DNAH2: variants seen among roughly 807,000 people sequenced by gnomAD.
The protein encoded by DNAH2 is dynein axonemal heavy chain 2, also known as axonemal beta dynein heavy chain 2.
DNAH2 carries 323 observed loss-of-function variants against 523.5 expected under a neutral mutation model. The ratio of observed to expected loss-of-function variants is 0.62; its 90% CI spans 0.56 to 0.68. DNAH2 has a LOEUF of 0.68. DNAH2 is among the 30% of genes least tolerant of loss of function. The pLI is 0.00. For synonymous variants in DNAH2, 2,093 were observed against 2,177.4 expected (o/e 0.96, Z 1.08); for missense variants, 4,907 against 5,701.5 (o/e 0.86, Z 4.49).
chr17:7,744,256 T>C (rs1490948472), intron 12 of DNAH2, among the ~76,000 whole-genome samples: 2 of 141,772 alleles, frequency 1.4e-5, no homozygotes, highest in African/African-American at 2.7e-5. Flanking sequence ...ATCACGCCAT[T>C]GCACTCCAGC....
intron 4 of DNAH2, 121 bp from the exon 5 acceptor site, chr17:7,732,966 T>G: frequency 1.1e-6 from 1 of 918,760 alleles, no homozygotes; most frequent in South Asian, 1.7e-5. Flanking sequence ...TCATGGCACT[T>G]CCATTTAGAG....
At position 7,733,197 on chromosome 17, in the gene DNAH2, C is replaced by G. The variant is rs761232886; in HGVS notation, c.510C>G (p.Ala170=). The change falls in exon 5 of 86, where the codon GCC becomes GCG. Residue 170 remains alanine (A), a synonymous_variant. Transcript: ENST00000572933. ...FGTVRGPYIP[A]LLRLLGGVFA... ...CGGTGCGGGGCCCCTATATCCCGGC[C>G]CTGCTTCGGCTGCTCGGTGGAGTCT... is the stretch of plus-strand genomic sequence containing the variant. The G allele has an allele frequency of 4.3e-6, 7 of 1,614,204 alleles. No individual in the cohort carries two copies. The South Asian group carries it at 7.7e-5, about 18-fold the overall frequency.
intron 12 of DNAH2, among the ~76,000 whole-genome samples, chr17:7,748,325 G>A (rs1567635440): frequency 6.6e-6 from 1 of 152,160 alleles, no homozygotes; most frequent in Non-Finnish European, 1.5e-5. Flanking sequence ...TGTTCCCAGA[G>A]CTTCTCTCTC....
Position 7,831,704 on chromosome 17 carries a change from G to A in DNAH2, c.12655G>A (p.Val4219Ile), listed in dbSNP as rs748266466. 1.9e-5 allele frequency: 30 copies of A among 1,614,026 alleles called. No individual in the cohort carries two copies. The highest frequency in any genetic ancestry group is 1.1e-4 in the East Asian group (5 of 44,902). ...DLEKGIQGLI[V>I]MSTSLEEIFN... ...AGAGAAAGGCATCCAGGGTCTCATC[G>A]TCATGTCTACAAGCCTGGAAGAGAT... The change falls in exon 82 of 86, where the codon GTC becomes ATC. Residue 4219 changes from valine (V) to isoleucine (I), a missense_variant. Coordinates refer to ENST00000572933, the MANE Select transcript of DNAH2 (RefSeq NM_020877.5). This position sits in a 1 kb window ranked among gnomAD's most constrained non-coding sequence, Gnocchi z 4.2.
chr17:7,790,782 C>G (rs1285201257), intron 44 of DNAH2, among the ~76,000 whole-genome samples: 2 of 151,766 alleles, frequency 1.3e-5, no homozygotes, highest in Non-Finnish European at 2.9e-5. Flanking sequence ...TCAGGGCTCA[C>G]TGCAGCCTCA....
chr17:7,759,399 T>G (rs768160693), intron 15 of DNAH2, 23 bp from the exon 16 acceptor site: 2 of 1,587,262 alleles, frequency 1.3e-6, no homozygotes, highest in Non-Finnish European at 1.7e-6. Flanking sequence ...AAAGTTCTCT[T>G]TTTCCTCCCT....
chr17:7,744,891 G>A (rs1280522382), intron 12 of DNAH2, among the ~76,000 whole-genome samples: 1 of 152,146 alleles, frequency 6.6e-6, no homozygotes, highest in Non-Finnish European at 1.5e-5. Context: ...TGGTGTTTAT[G>A]GATATGAGGG....
chr17:7,720,715 C>T (rs143846428), intron 2 of DNAH2, among the ~76,000 whole-genome samples: 19 of 152,222 alleles, frequency 1.2e-4, no homozygotes, highest in East Asian at 1.9e-4. Context: ...AGAGGTTAAG[C>T]GTGGGCATGG....
Position 7,833,551 on chromosome 17 carries a change from C to T in DNAH2, c.*18C>T, listed in dbSNP as rs369391736. On this transcript the variant is annotated 3_prime_UTR_variant, in exon 86 of 86. Coordinates refer to ENST00000572933, the MANE Select transcript of DNAH2 (RefSeq NM_020877.5). Reference sequence around the variant, plus strand: ...ACAGCTGAGACCTCCTCCTCTTCTCCGCTTGAGAGAGAGGGTCAGGGACTC... The same window carrying T: ...ACAGCTGAGACCTCCTCCTCTTCTCTGCTTGAGAGAGAGGGTCAGGGACTC... 6.2e-6 allele frequency: 10 copies of T among 1,611,924 alleles called. No homozygotes were observed. Among genetic ancestry groups the T allele is most frequent in the Middle Eastern group, 1.6e-4 (1 of 6,084 alleles).
At chr17:7,721,461 A>G (rs1036825587) in intron 2 of DNAH2, among the ~76,000 whole-genome samples, 2 of 152,094 alleles carry the variant, frequency 1.3e-5, no homozygotes, top group African/African-American at 4.8e-5. Flanking sequence ...GGCGTGAGCC[A>G]CCGCACCCAG....
At chr17:7,817,882 C>G (rs778080208) in intron 67 of DNAH2, 26 bp downstream of exon 67, 1 of 1,185,482 alleles carries the variant, frequency 8.4e-7, no homozygotes, top group Non-Finnish European at 1.1e-6. Flanking sequence ...GTCAGGTTAG[C>G]CCCCCCCTTC....
rs1357763327 is a variant in DNAH2 at position 7,786,170 on chromosome 17, G to T, written c.6176G>T (p.Ser2059Ile). Reference sequence around the variant, plus strand: ...GAGATTCGAGACATGGGCCTGCAAAGCACGCCGTTCACCCTCACCAAGGTT... The same window carrying T: ...GAGATTCGAGACATGGGCCTGCAAATCACGCCGTTCACCCTCACCAAGGTT... The part of the protein sequence containing the change: ...EQEIRDMGLQ[S>I]TPFTLTKVFQ... Residue 2059 changes from serine (S) to isoleucine (I), a missense_variant, in exon 40 of 86, where the codon AGC becomes ATC. Physicochemically the swap from Ser to Ile is moderately radical, Grantham distance 142. This residue lies in a region of DNAH2 where 2,806 missense variants were observed against 3,190.8 expected (regional missense o/e 0.88). Transcript: ENST00000572933. The surrounding 1 kb of genome is among the most constrained non-coding windows in gnomAD (Gnocchi z 7.5). 1.2e-6 allele frequency: 2 copies of T among 1,613,986 alleles called. No homozygotes were observed. The highest frequency in any genetic ancestry group is 1.7e-6 in the Non-Finnish European group (2 of 1,180,010).
Position 7,740,541 on chromosome 17 carries a change from T to A in DNAH2, c.1498T>A (p.Ser500Thr). ...GCTGGACACCTTCCACAGGCTTGCC[T>A]CCCGCGAGGTGCGGCTGCCCCGCGG... ...LLLDTFHRLA[S>T]REAIKRTYDK... The change falls in exon 10 of 86, where the codon TCC becomes ACC. Residue 500 changes from serine to threonine, a missense_variant. Ser to Thr is a moderately conservative substitution (Grantham distance 58). Coordinates refer to ENST00000572933, the MANE Select transcript of DNAH2 (RefSeq NM_020877.5). 6.2e-7 allele frequency: 1 copy of A among 1,613,530 alleles called. No individual in the cohort carries two copies. Among genetic ancestry groups the A allele is most frequent in the Non-Finnish European group, 8.5e-7 (1 of 1,179,942 alleles).
In DNAH2 at chr17:7,819,260, G is replaced by C. The variant is rs1206793989; in HGVS notation, c.10867G>C (p.Asp3623His). 6.2e-7 allele frequency: 1 copy of C among 1,614,152 alleles called. No individual in the cohort carries two copies. The highest frequency in any genetic ancestry group is 2.2e-5 in the East Asian group (1 of 44,888). ...ATCAATCCTGTTCTTCGTGCTCAATGATATGGGCTGCATCGACCCCATGTA... is the reference window on the plus strand; with the variant it reads ...ATCAATCCTGTTCTTCGTGCTCAATCATATGGGCTGCATCGACCCCATGTA... Reference protein sequence around the residue: ...RASILFFVLNDMGCIDPMYQF... With the variant: ...RASILFFVLNHMGCIDPMYQF... The change falls in exon 72 of 86, where the codon GAT (aspartate) becomes CAT (histidine). Residue 3623 changes from aspartate (D) to histidine (H), a missense_variant. Transcript: ENST00000572933.
chr17:7,720,540 G>C (rs1172335325), intron 2 of DNAH2, among the ~76,000 whole-genome samples: 1 of 152,196 alleles, frequency 6.6e-6, no homozygotes, highest in Non-Finnish European at 1.5e-5. Flanking sequence ...GAGCCAGTAA[G>C]GTTGGAAGGT....
At position 7,807,525 on chromosome 17, in the gene DNAH2, C is replaced by T; in HGVS notation, c.9668C>T (p.Ala3223Val). ...VEPKRIRMNA[A>V]LAQLREKQAA... is the part of the protein sequence containing the mutation. ...CCCAAGCGAATCCGAATGAACGCTG[C>T]CTTGGCTCAGCTTCGGGAGAAGCAA... Residue 3223 changes from alanine to valine, a missense_variant, in exon 63 of 86, where the codon GCC (alanine) becomes GTC (valine). Physicochemically the swap from Ala to Val is moderately conservative, Grantham distance 64. This residue lies in a region of DNAH2 where 1,851 missense variants were observed against 2,139.4 expected (regional missense o/e 0.87). Coordinates refer to ENST00000572933, the MANE Select transcript of DNAH2 (RefSeq NM_020877.5). The surrounding 1 kb of genome is among the most constrained non-coding windows in gnomAD (Gnocchi z 5.6). 1.2e-6 allele frequency: 2 copies of T among 1,613,486 alleles called. No homozygotes were observed. Among genetic ancestry groups the T allele is most frequent in the Non-Finnish European group, 1.7e-6 (2 of 1,180,028 alleles).
At chr17:7,817,516 G>T in intron 65 of DNAH2, 45 bp from the exon 66 acceptor site, 3 of 1,613,680 alleles carry the variant, frequency 1.9e-6, no homozygotes, top group Non-Finnish European at 2.5e-6. Flanking sequence ...GGGGGCTGCT[G>T]GGCTCAGCTC....
chr17:7,810,072 T>C (rs1597732391), intron 63 of DNAH2, among the ~76,000 whole-genome samples: 1 of 149,726 alleles, frequency 6.7e-6, no homozygotes, highest in East Asian at 1.9e-4. Flanking sequence ...TTTTTCTTTT[T>C]TTTTTTTTTG....
chr17:7,794,847 C>T (rs1452206076), intron 49 of DNAH2, among the ~76,000 whole-genome samples: 13 of 151,438 alleles, frequency 8.6e-5, no homozygotes, highest in Non-Finnish European at 1.3e-4. Context: ...CTCCACTTCC[C>T]GGGTTCAAGT....
Sources: gnomAD v4.1 joint callset for allele counts (sites outside exome capture counted in the v4.1 genomes callset) on GRCh38, gnomAD v4.1.1 for gene constraint, gnomAD v4.1.1 regional missense constraint, Gnocchi (gnomAD v3.1) non-coding constraint, MANE v1.5 for transcripts, NCBI Gene and HGNC (gene_info 2026-07-23, HGNC 2026-07-21) for gene names.